Variants in NUCB1 observed in about 807,000 individuals in gnomAD.
The protein encoded by NUCB1 is nucleobindin-1.
Under a neutral mutation model 61.2 loss-of-function variants are expected in NUCB1, and 47 were observed. The ratio of observed to expected loss-of-function variants is 0.77; its 90% CI spans 0.61 to 0.98. The LOEUF (loss-of-function observed/expected upper bound fraction) is 0.98, where lower values mean the gene tolerates loss of function less well. Ranked by LOEUF, NUCB1 falls within the 50% of genes least tolerant of loss-of-function variation. NUCB1 has a pLI of 0.00. For missense variants in NUCB1, 583 were observed against 605.3 expected (o/e 0.96, Z 0.39); for synonymous variants, 234 against 243.1 (o/e 0.96, Z 0.35).
chr19:48,906,004 T>C, intron 4 of NUCB1, 119 bp downstream of exon 4: 1 of 959,290 alleles, frequency 1.0e-6, no homozygotes, highest in Non-Finnish European at 1.6e-6. Context: ...CTGCGAAATG[T>C]GCTGAAATGT....
chr19:48,902,478 A>G lies in NUCB1; in HGVS notation c.135+1547A>G, dbSNP rs146463634. Among the ~76,000 whole-genome samples, 913 of 137,432 alleles carry G rather than the reference A, an allele frequency of 6.6e-3. 8 individuals carry two copies. Among genetic ancestry groups the G allele is most frequent in the African/African-American group, 0.024 (869 of 35,750 alleles). The allele number at this position is 137,432 out of a possible 152,430, so 90.2% of individuals were successfully genotyped here. A position where few individuals can be genotyped will look rare whatever the true frequency, so the allele number is the denominator to read the frequency against. ...ACCCAAGCTGGAGTGCAGTGGTGCA[A>G]TCACTGCAATCTCCATCTCCCAGAC... On this transcript the variant is annotated intron_variant, in intron 2 of 12. Transcript: ENST00000405315.
intron 4 of NUCB1, 109 bp downstream of exon 4, chr19:48,905,994 C>CTGCGAAATGTGCTGAAATG (rs1382540706): frequency 8.6e-7 from 1 of 1,165,264 alleles, no homozygotes; most frequent in African/African-American, 1.5e-5. Flanking sequence ...TCCCTCCCCG[C>CTGCGAAATGTGCTGAAATG]TGCGAAATGT....
intron 2 of NUCB1, among the ~76,000 whole-genome samples, chr19:48,902,229 G>C (rs1568582657): frequency 1.3e-5 from 2 of 152,012 alleles, no homozygotes; most frequent in African/African-American, 4.8e-5. Context: ...TCCTGCCTCA[G>C]CCTCCCGAGT....
intron 4 of NUCB1, among the ~76,000 whole-genome samples, chr19:48,910,176 C>T (rs1228972336): frequency 1.3e-5 from 2 of 151,696 alleles, no homozygotes; most frequent in Admixed American, 1.3e-4. Flanking sequence ...TCCCAGGTTC[C>T]AGTGATTCCC....
At chr19:48,918,961 G>A in intron 8 of NUCB1, 69 bp from the exon 9 acceptor site, 16 of 1,499,232 alleles carry the variant, frequency 1.1e-5, no homozygotes, top group Non-Finnish European at 1.5e-5. Flanking sequence ...ACTGCTGGGA[G>A]TTGAAGTTGT....
At chr19:48,905,120 T>G (rs1053793067) in intron 3 of NUCB1, among the ~76,000 whole-genome samples, 1 of 152,012 alleles carries the variant, frequency 6.6e-6, no homozygotes, top group Non-Finnish European at 1.5e-5. Context: ...GATTTTGGGG[T>G]TTGGATTTTC....
In NUCB1 at chr19:48,913,180, C is replaced by T; in HGVS notation, c.650C>T (p.Pro217Leu). 2 of 1,612,516 alleles carry T rather than the reference C, an allele frequency of 1.2e-6. No homozygotes were observed. The highest frequency in any genetic ancestry group is 1.7e-6 in the Non-Finnish European group (2 of 1,179,404). ...EEQQRRHREH[P>L]KVNVPGSQAQ... ...CAACAGCGCCGGCACCGCGAGCACCCTAAAGTCAACGTGCCTGTGAGGACC... is the reference window on the plus strand; with the variant it reads ...CAACAGCGCCGGCACCGCGAGCACCTTAAAGTCAACGTGCCTGTGAGGACC... Residue 217 changes from proline to leucine, a missense_variant, in exon 6 of 13, where the codon CCT becomes CTT. Pro to Leu is a moderately conservative substitution (Grantham distance 98). Transcript: ENST00000405315.
chr19:48,904,001 G>C (rs2037385431), intron 2 of NUCB1, among the ~76,000 whole-genome samples: 1 of 147,950 alleles, frequency 6.8e-6, no homozygotes, highest in Admixed American at 6.7e-5. Flanking sequence ...AGATGGGTGG[G>C]TAGGATGTAT....
chr19:48,903,350 A>G (rs1382274965), intron 2 of NUCB1, among the ~76,000 whole-genome samples: 1 of 146,770 alleles, frequency 6.8e-6, no homozygotes, highest in Non-Finnish European at 1.5e-5. Context: ...TGTTTGTTGA[A>G]TGAATGAATG....
intron 7 of NUCB1, among the ~76,000 whole-genome samples, chr19:48,913,968 C>CT (rs767741319): frequency 0.046 from 6,447 of 139,270 alleles, 168 homozygotes; most frequent in Middle Eastern, 0.099. Flanking sequence ...TTTCTTTTTC[C>CT]TTTTTTTTTT....
chr19:48,907,822 G>T (rs144668575), intron 4 of NUCB1, among the ~76,000 whole-genome samples: 1 of 146,006 alleles, frequency 6.8e-6, no homozygotes, highest in African/African-American at 2.5e-5. Context: ...GGCCACACCC[G>T]CCCAACCCTG....
chr19:48,911,417 T>C (rs541887160), intron 5 of NUCB1, among the ~76,000 whole-genome samples, 165 bp downstream of exon 5: 9 of 150,284 alleles, frequency 6.0e-5, no homozygotes, highest in Admixed American at 2.0e-4. Flanking sequence ...TTTTTTTTTT[T>C]TTTTTGAGAC....
rs1404158193 is a variant in NUCB1 at position 48,921,675 on chromosome 19, CAATG to C, written c.1174-149_1174-146del. 5.3e-6 allele frequency: 4 copies of C among 761,670 alleles called. No individual in the cohort carries two copies. In the East Asian group the frequency reaches 9.7e-5, roughly 19 times the overall value. 47.2% of individuals were successfully genotyped at this position (761,670 alleles called of 1,614,324 possible). A position where few individuals can be genotyped will look rare whatever the true frequency, so the allele number is the denominator to read the frequency against. Reference sequence around the variant, plus strand: ...CTTGACTATTATTAAGCCCGACTGTCAATGAAAGAGAGAAACTGAGGCCCACGGA... The same window carrying C: ...CTTGACTATTATTAAGCCCGACTGTCAAAGAGAGAAACTGAGGCCCACGGA... On this transcript the variant is annotated intron_variant, in intron 11 of 12. Coordinates refer to ENST00000405315, the MANE Select transcript of NUCB1 (RefSeq NM_006184.6).
At position 48,913,034 on chromosome 19, in the gene NUCB1, C is replaced by T. The variant is rs144815645; in HGVS notation, c.504C>T (p.Tyr168=). The T allele has an allele frequency of 3.8e-5, 62 of 1,612,200 alleles. No homozygotes were observed. The highest frequency in any genetic ancestry group is 1.8e-4 in the Admixed American group (11 of 59,580). The change falls in exon 6 of 13, where the codon TAC becomes TAT. Residue 168 remains tyrosine (Y), a synonymous_variant. Transcript: ENST00000405315. ...AGGCCACCCGGGACCTTGCCCAGTA[C>T]GACGCAGCCCATCATGAAGAGTTCA... ...IQTATRDLAQ[Y]DAAHHEEFKR...
chr19:48,918,818 G>A (rs947849215), intron 8 of NUCB1, 34 bp downstream of exon 8: 1 of 1,597,956 alleles, frequency 6.3e-7, no homozygotes, highest in African/African-American at 1.3e-5. Flanking sequence ...CACCTGGAGG[G>A]ACGCCCAAAT....
chr19:48,919,370 C>T, intron 10 of NUCB1, 84 bp downstream of exon 10: 1 of 1,018,800 alleles, frequency 9.8e-7, no homozygotes, highest in Non-Finnish European at 1.5e-6. Flanking sequence ...GGCCCCTTCT[C>T]TTTCTCTCTG....
chr19:48,910,414 G>A (rs1447033178), intron 4 of NUCB1, among the ~76,000 whole-genome samples: 1 of 151,590 alleles, frequency 6.6e-6, no homozygotes, highest in Non-Finnish European at 1.5e-5. Flanking sequence ...GGCTGGGCGT[G>A]GTGGCTCACA....
chr19:48,914,255 G>A (rs1023067335), intron 7 of NUCB1, among the ~76,000 whole-genome samples: 2 of 151,996 alleles, frequency 1.3e-5, no homozygotes, highest in African/African-American at 2.4e-5. Flanking sequence ...GATTACAGGC[G>A]TGAGTCACTG....
rs765917158 is a variant in NUCB1 at position 48,911,142 on chromosome 19, C to T, written c.377-7C>T. On this transcript the variant is annotated splice_polypyrimidine_tract_variant and splice_region_variant and intron_variant, in intron 4 of 12. Coordinates refer to ENST00000405315, the MANE Select transcript of NUCB1 (RefSeq NM_006184.6). ...CCTCAGGTGTTGGACTCTTCCCTCTCTTCCAGATGTACAGGTGGATCATCT... is the reference window on the plus strand; with the variant it reads ...CCTCAGGTGTTGGACTCTTCCCTCTTTTCCAGATGTACAGGTGGATCATCT... The T allele has an allele frequency of 8.1e-6, 13 of 1,603,190 alleles. No individual in the cohort carries two copies. Among genetic ancestry groups the T allele is most frequent in the Non-Finnish European group, 1.1e-5 (13 of 1,170,688 alleles).
Sources: allele counts gnomAD v4.1 joint callset (sites outside exome capture counted in the v4.1 genomes callset), GRCh38; gene constraint gnomAD v4.1.1; transcripts MANE v1.5; gene names NCBI Gene and HGNC (gene_info 2026-07-23, HGNC 2026-07-21).